The following TSC1 variants were observed in gnomAD, a reference collection of about 807,000 sequenced individuals.
TSC1 encodes hamartin.
Under a neutral mutation model 124.3 loss-of-function variants are expected in TSC1, and 20 were observed. The ratio of observed to expected loss-of-function variants is 0.16; its 90% confidence interval spans 0.11 to 0.23. The LOEUF (loss-of-function observed/expected upper bound fraction) is 0.23, where lower values mean the gene tolerates loss of function less well. Among genes scored for constraint, TSC1 ranks in the 10% least tolerant of loss-of-function variants. The pLI, the probability that TSC1 is intolerant of heterozygous loss-of-function variation, is 1.00. For missense variants in TSC1, 1,124 were observed against 1,448.5 expected, an observed-to-expected ratio of 0.78 and a Z score of 3.64; for synonymous variants, 493 against 539.1, an observed-to-expected ratio of 0.91 and a Z score of 1.19.
Position 132,894,015 on chromosome 9 carries a change from C to A in TSC1, c.*2220G>T, listed in dbSNP as rs192554915. On this transcript the variant is annotated 3_prime_UTR_variant, in exon 23 of 23. Coordinates refer to ENST00000298552, the MANE Select transcript of TSC1 (RefSeq NM_000368.5). ...TGACTCCAGGTCTCATTCTCCCAAC[C>A]GTAGTTGAATAAAACCCACAGCCTC... The A allele has an allele frequency of 4.3e-6, 1 of 233,410 alleles. No homozygotes were observed. Among genetic ancestry groups the A allele is most frequent in the Non-Finnish European group, 8.5e-6 (1 of 117,964 alleles). The allele number at this position is 233,410 out of a possible 1,614,324, so 14.5% of individuals were successfully genotyped here.
At position 132,897,261 on chromosome 9, in the gene TSC1, A is replaced by G. The variant is rs1057522171; in HGVS notation, c.2898T>C (p.Tyr966=). Residue 966 remains tyrosine (Y), a synonymous_variant, in exon 22 of 23, where the codon TAT becomes TAC. Transcript: ENST00000298552. ...GGAGGCCATCTTTCTCCAACCTGCC[A>G]TATAAATCTAAGATCTCCAATTCAA... is the stretch of plus-strand genomic sequence containing the variant. ...QVFELEILDL[Y]GRLEKDGLLK... 1.9e-6 allele frequency: 3 copies of G among 1,614,224 alleles called. No homozygotes were observed. In the Admixed American group the frequency reaches 5.0e-5, roughly 27 times the overall value.
intron 1 of TSC1, among the ~76,000 whole-genome samples, chr9:132,935,808 T>C (rs919487862): frequency 6.6e-6 from 1 of 151,888 alleles, no homozygotes; most frequent in African/African-American, 2.4e-5. Context: ...CTAAACTCAC[T>C]CTTCATCCTT....
At chr9:132,897,755 G>GAT (rs1845166194) in intron 20 of TSC1, 145 bp from the exon 21 acceptor site, 1 of 1,117,076 alleles carries the variant, frequency 9.0e-7, no homozygotes, top group East Asian at 2.6e-5. Flanking sequence ...CAACTTTATG[G>GAT]AAAGTAAGCT....
chr9:132,933,305 A>T (rs1847297883), intron 2 of TSC1, among the ~76,000 whole-genome samples: 1 of 152,088 alleles, frequency 6.6e-6, no homozygotes, highest in Non-Finnish European at 1.5e-5. Context: ...ACCTCATGTG[A>T]TCCTCCCACC....
In TSC1 at chr9:132,928,868, G is replaced by A. The variant is rs1588363746; in HGVS notation, c.5C>T (p.Ala2Val). Reference protein sequence around the residue: MAQQANVGELLA... With the variant: MVQQANVGELLA... ...AAGCTCCCCGACATTTGCTTGTTGG[G>A]CCATTCTCTCGCTCGAAGGCGCTGT... The change falls in exon 3 of 23, where the codon GCC becomes GTC. Residue 2 changes from alanine to valine, a missense_variant. Around this residue, in one of 5 missense-constraint regions of TSC1, gnomAD observed 463 missense variants for 606.8 expected, o/e 0.76. Coordinates refer to ENST00000298552, the MANE Select transcript of TSC1 (RefSeq NM_000368.5). The A allele has an allele frequency of 6.2e-7, 1 of 1,614,112 alleles. No homozygotes were observed. The highest frequency in any genetic ancestry group is 8.5e-7 in the Non-Finnish European group (1 of 1,180,012).
At position 132,910,626 on chromosome 9, in the gene TSC1, G is replaced by A. The variant is rs118203504; in HGVS notation, c.1208C>T (p.Ser403Leu). The A allele has an allele frequency of 4.1e-4, 665 of 1,614,098 alleles. No individual in the cohort carries two copies. The highest frequency in any genetic ancestry group is 5.0e-4 in the Non-Finnish European group (592 of 1,180,030). The change falls in exon 12 of 23, where the codon TCG becomes TTG. Residue 403 changes from serine (S) to leucine (L), a missense_variant. Physicochemically the swap from Ser to Leu is moderately radical, Grantham distance 145. This residue lies in a region of TSC1 where 463 missense variants were observed against 606.8 expected (regional missense o/e 0.76). Transcript: ENST00000298552. ...TSPPPAPLCH[S>L]DDYVHISLPQ... The stretch of plus-strand genomic sequence containing the variant: ...GAGTGAAATGTGCACGTAGTCATCC[G>A]AATGACAGAGTGGGGCTGGAGGAGG...
In TSC1 at chr9:132,910,608, A is replaced by G. The variant is rs1474143751; in HGVS notation, c.1226T>C (p.Ile409Thr). 6.2e-7 allele frequency: 1 copy of G among 1,614,074 alleles called. No homozygotes were observed. The highest frequency in any genetic ancestry group is 8.5e-7 in the Non-Finnish European group (1 of 1,180,034). ...PLCHSDDYVH[I>T]SLPQATVTPP... is the part of the protein sequence containing the mutation. ...TGTGACTGTGGCCTGGGGGAGTGAA[A>G]TGTGCACGTAGTCATCCGAATGACA... Residue 409 changes from isoleucine (I) to threonine (T), a missense_variant, in exon 12 of 23, where the codon ATT becomes ACT. Coordinates refer to ENST00000298552, the MANE Select transcript of TSC1 (RefSeq NM_000368.5).
rs188414277 is a variant in TSC1, at chr9:132,933,682, G to A, written c.-81+1351C>T. ...ACATAGTGACCACAGGAGTAACCTA[G>A]CAGCCGGTAGTGCCCACAAAGTATT... On this transcript the variant is annotated intron_variant, in intron 2 of 22. Coordinates refer to ENST00000298552, the MANE Select transcript of TSC1 (RefSeq NM_000368.5). Among the ~76,000 whole-genome samples the A allele has an allele frequency of 2.9e-3, 444 of 152,336 alleles. 2 individuals carry two copies. Among genetic ancestry groups the A allele is most frequent in the Admixed American group, 9.6e-3 (147 of 15,308 alleles).
intron 12 of TSC1, among the ~76,000 whole-genome samples, chr9:132,908,480 T>C (rs1845780043): frequency 6.6e-6 from 1 of 152,208 alleles, no homozygotes; most frequent in Non-Finnish European, 1.5e-5. Context: ...TGAGACAGGG[T>C]CTGGCTCTGT....
At chr9:132,944,452 G>A in intron 1 of TSC1, 91 bp downstream of exon 1, 1 of 397,314 alleles carries the variant, frequency 2.5e-6, no homozygotes. Context: ...TCTTGCTCCA[G>A]CCCCTCCGAG....
chr9:132,907,789 T>C (rs1475586514), intron 12 of TSC1, among the ~76,000 whole-genome samples: 1 of 152,154 alleles, frequency 6.6e-6, no homozygotes, highest in Non-Finnish European at 1.5e-5. Context: ...CTTTATAGTC[T>C]TAAAAAATGG....
chr9:132,941,886 C>T (rs1001927683), intron 1 of TSC1: 3 of 152,206 alleles, frequency 2.0e-5, no homozygotes, highest in African/African-American at 7.2e-5. Context: ...CATTAATTTA[C>T]ATTCCAACTT....
Position 132,902,657 on chromosome 9 carries a change from C to T in TSC1, c.2339G>A (p.Arg780Lys), listed in dbSNP as rs1845445479. The stretch of plus-strand genomic sequence containing the variant: ...TTCCTCTCGGTCATGCTGCAGCTGT[C>T]TGATCTGGCTGTGGAGCTTGGTTAC... Reference protein sequence around the residue: ...TMVTKLHSQIRQLQHDREEFY... With the variant: ...TMVTKLHSQIKQLQHDREEFY... Residue 780 changes from arginine (R) to lysine (K), a missense_variant, in exon 18 of 23, where the codon AGA (arginine) becomes AAA (lysine). By Grantham distance (26) the Arg-to-Lys change is conservative (BLOSUM62 2). This residue lies in a region of TSC1 where 321 missense variants were observed against 397.4 expected (regional missense o/e 0.81). Transcript: ENST00000298552. This position sits in a 1 kb window ranked among gnomAD's most constrained non-coding sequence, Gnocchi z 5.2. The T allele has an allele frequency of 1.2e-6, 2 of 1,614,194 alleles. No individual in the cohort carries two copies. The highest frequency in any genetic ancestry group is 1.7e-6 in the Non-Finnish European group (2 of 1,180,042).
Position 132,897,622 on chromosome 9 carries a change from A to C in TSC1, c.2626-12T>G, listed in dbSNP as rs771248685. The stretch of plus-strand genomic sequence containing the variant: ...ATCATTTCTACTTCCTGAAAAAAAA[A>C]AAAAAAAAAGACTGGAATTAGTACT... On this transcript the variant is annotated splice_polypyrimidine_tract_variant and intron_variant, in intron 20 of 22. Coordinates refer to ENST00000298552, the MANE Select transcript of TSC1 (RefSeq NM_000368.5). The C allele has an allele frequency of 6.3e-7, 1 of 1,579,922 alleles. No individual in the cohort carries two copies. The highest frequency in any genetic ancestry group is 8.5e-7 in the Non-Finnish European group (1 of 1,172,760).
rs533714720 is a variant in TSC1 at position 132,926,967 on chromosome 9, C to A, written c.210+234G>T. ...GATTACAGGCGTGAGCCACCACACC[C>A]GGCCCAAACAAGATCTTTAACAGTC... On this transcript the variant is annotated intron_variant, in intron 4 of 22. Transcript: ENST00000298552. 8.2e-6 allele frequency: 4 copies of A among 488,184 alleles called. No homozygotes were observed. In the Admixed American group the frequency reaches 9.3e-5, roughly 11 times the overall value. The allele number at this position is 488,184 out of a possible 1,614,324, so 30.2% of individuals were successfully genotyped here.
chr9:132,908,102 TA>T (rs1200043666), intron 12 of TSC1, among the ~76,000 whole-genome samples: 2 of 151,788 alleles, frequency 1.3e-5, no homozygotes, highest in Non-Finnish European at 2.9e-5. Flanking sequence ...CACAAAATAA[TA>T]ATAATAATGA....
At chr9:132,943,736 T>G (rs1185930354) in intron 1 of TSC1, 1 of 152,196 alleles carries the variant, frequency 6.6e-6, no homozygotes, top group Non-Finnish European at 1.5e-5. Context: ...CCATTAACGT[T>G]AGCTGTTGTT....
Position 132,907,379 on chromosome 9 carries a change from A to G in TSC1, c.1264-9T>C, listed in dbSNP as rs1399728684. 49 of 1,610,920 alleles carry G rather than the reference A, an allele frequency of 3.0e-5. No homozygotes were observed. The highest frequency in any genetic ancestry group is 1.6e-4 in the Middle Eastern group (1 of 6,068). ...GAATCCATTCTCTCTTCCTGAAAAG[A>G]TAAGTATCATTTATATCACAAGACG... On this transcript the variant is annotated splice_polypyrimidine_tract_variant and intron_variant, in intron 12 of 22. Transcript: ENST00000298552.
In TSC1 at chr9:132,923,558, G is replaced by T; in HGVS notation, c.364-66C>A. 6.2e-7 allele frequency: 1 copy of T among 1,608,138 alleles called. No homozygotes were observed. The highest frequency in any genetic ancestry group is 8.5e-7 in the Non-Finnish European group (1 of 1,175,504). ...CTGGCACCAGGATCGGCATTGTACA[G>T]TACATGAAGAGGCTCTAAACACTGA... On this transcript the variant is annotated intron_variant, in intron 5 of 22. Transcript: ENST00000298552. The surrounding 1 kb of genome is among the most constrained non-coding windows in gnomAD (Gnocchi z 4.2).
Sources: allele counts gnomAD v4.1 joint callset (sites outside exome capture counted in the v4.1 genomes callset), GRCh38; gene constraint gnomAD v4.1.1; regional missense constraint gnomAD v4.1.1; non-coding constraint Gnocchi (gnomAD v3.1); transcripts MANE v1.5; gene names NCBI Gene and HGNC (gene_info 2026-07-23, HGNC 2026-07-21).